DSC1: variants seen among roughly 807,000 people sequenced by gnomAD.
DSC1 encodes the protein desmocollin-1.
In DSC1, 79 loss-of-function variants were observed where a neutral mutation model predicts 98.8. The observed-to-expected ratio is 0.80, with a 90% CI of 0.67 to 0.96. The LOEUF (loss-of-function observed/expected upper bound fraction) is 0.96. Ranked by LOEUF, DSC1 falls within the 50% of genes least tolerant of loss-of-function variation. DSC1 has a pLI of 0.00. For synonymous variants in DSC1, 405 were observed against 372.1 expected (o/e 1.09, Z -1.02); for missense variants, 1,115 against 1,075.9 (o/e 1.04, Z -0.51).
At chr18:31,160,536 C>G (rs1231260173) in intron 1 of DSC1, among the ~76,000 whole-genome samples, 1 of 152,104 alleles carries the variant, frequency 6.6e-6, no homozygotes. Context: ...TATACTGTAG[C>G]AGTCTAATTA....
chr18:31,137,652 C>T (rs1236427084), intron 11 of DSC1, among the ~76,000 whole-genome samples: 4 of 152,108 alleles, frequency 2.6e-5, no homozygotes, highest in South Asian at 4.1e-4. Context: ...GCCTTTTCTA[C>T]AGAAGCCACA....
chr18:31,149,332 T>C (rs1457922462), intron 5 of DSC1, among the ~76,000 whole-genome samples: 1 of 152,240 alleles, frequency 6.6e-6, no homozygotes, highest in East Asian at 1.9e-4. Flanking sequence ...AAGTGAATTC[T>C]GCATTAACTC....
intron 4 of DSC1, 31 bp downstream of exon 4, chr18:31,156,012 A>G: frequency 2.5e-6 from 4 of 1,599,660 alleles, no homozygotes; most frequent in Non-Finnish European, 2.6e-6. Flanking sequence ...AAAAATTTGG[A>G]CACATATAAA....
chr18:31,132,512 T>G, intron 14 of DSC1, 56 bp downstream of exon 14: 1 of 1,596,982 alleles, frequency 6.3e-7, no homozygotes, highest in Non-Finnish European at 8.6e-7. Context: ...TGTTGAGTAA[T>G]AATCTGTCAT....
Position 31,134,803 on chromosome 18 carries a change from AG to A in DSC1, c.1664-20del. The A allele has an allele frequency of 6.3e-7, 1 of 1,588,840 alleles. No individual in the cohort carries two copies. The highest frequency in any genetic ancestry group is 1.1e-5 in the South Asian group (1 of 89,418). On this transcript the variant is annotated intron_variant, in intron 11 of 15. Transcript: ENST00000257198. Reference sequence around the variant, plus strand: ...CGGCCAACTAAGATTAATTAAAAATAGGTTATTTCTTCACATGAAAATGCAT... The same window carrying A: ...CGGCCAACTAAGATTAATTAAAAATAGTTATTTCTTCACATGAAAATGCAT...
intron 5 of DSC1, among the ~76,000 whole-genome samples, chr18:31,150,244 CACT>C (rs1988944526): frequency 7.1e-6 from 1 of 140,682 alleles, no homozygotes; most frequent in Non-Finnish European, 1.5e-5. Flanking sequence ...TCATCACCAC[CACT>C]ACCACCACCA....
chr18:31,149,008 T>C (rs1988905369), intron 5 of DSC1, among the ~76,000 whole-genome samples: 1 of 152,260 alleles, frequency 6.6e-6, no homozygotes, highest in Non-Finnish European at 1.5e-5. Context: ...CAGATGTATA[T>C]ATACATACAA....
chr18:31,145,823 T>C, intron 6 of DSC1, 46 bp from the exon 7 acceptor site: 2 of 1,571,950 alleles, frequency 1.3e-6, no homozygotes. Flanking sequence ...ACTCATATAA[T>C]TGAATTATAA....
At position 31,139,795 on chromosome 18, in the gene DSC1, A is replaced by T; in HGVS notation, c.1616T>A (p.Phe539Tyr). The T allele has an allele frequency of 6.2e-7, 1 of 1,611,224 alleles. No individual in the cohort carries two copies. Among genetic ancestry groups the T allele is most frequent in the African/African-American group, 1.3e-5 (1 of 74,854 alleles). ...TLKVLDRESKFVKNNQYNISV... is the reference protein window; with the variant it reads ...TLKVLDRESKYVKNNQYNISV... The stretch of plus-strand genomic sequence containing the variant: ...AATATTGTATTGGTTGTTTTTTACA[A>T]ATTTGGATTCTCTATCTAGTACTTT... The change falls in exon 11 of 16, where the codon TTT (phenylalanine) becomes TAT (tyrosine). Residue 539 changes from phenylalanine to tyrosine, a missense_variant. Coordinates refer to ENST00000257198, the MANE Select transcript of DSC1 (RefSeq NM_024421.2).
At chr18:31,138,437 C>T (rs139954280) in intron 11 of DSC1, among the ~76,000 whole-genome samples, 2 of 152,088 alleles carry the variant, frequency 1.3e-5, no homozygotes, top group Admixed American at 6.6e-5. Context: ...TAGTTGATAT[C>T]GTGTAAGAAT....
Position 31,131,344 on chromosome 18 carries a change from C to G in DSC1, c.2487+250G>C, listed in dbSNP as rs1186706023. The G allele has an allele frequency of 6.0e-6, 3 of 498,830 alleles. No individual in the cohort carries two copies. In the South Asian group the frequency reaches 7.4e-5, roughly 12 times the overall value. 30.9% of individuals were successfully genotyped at this position (498,830 alleles called of 1,614,324 possible). ...AATTTCTAGGGAAGAGGCTATGAAC[C>G]TTTTATCCTTTGTAAACACATCTAC... On this transcript the variant is annotated intron_variant, in intron 15 of 15. Coordinates refer to ENST00000257198, the MANE Select transcript of DSC1 (RefSeq NM_024421.2).
rs12608327 is a variant in DSC1 at position 31,149,141 on chromosome 18, C to A, written c.628-499G>T. 4.6e-5 allele frequency among the ~76,000 whole-genome samples: 7 copies of A among 152,084 alleles called. No homozygotes were observed. The South Asian group carries it at 1.5e-3, about 32-fold the overall frequency. ...AAATGTTAATAAAAGCATATACATA[C>A]CAGAAATTCCATTTCAAAATGAATG... On this transcript the variant is annotated intron_variant, in intron 5 of 15. Coordinates refer to ENST00000257198, the MANE Select transcript of DSC1 (RefSeq NM_024421.2).
rs772090663 is a variant in DSC1, at chr18:31,134,648, T to A, written c.1800A>T (p.Gly600=). The stretch of plus-strand genomic sequence containing the variant: ...ATTGAAAAGGTGGTCCATTTTCAGG[T>A]CCATCTGGATCTACAGGTTTCAGAA... ...FAVLKPVDPD[G]PENGPPFQFF... Residue 600 remains glycine, a synonymous_variant, in exon 12 of 16, where the codon GGA becomes GGT. Coordinates refer to ENST00000257198, the MANE Select transcript of DSC1 (RefSeq NM_024421.2). 2 of 1,612,864 alleles carry A rather than the reference T, an allele frequency of 1.2e-6. No homozygotes were observed. Among genetic ancestry groups the A allele is most frequent in the Admixed American group, 3.3e-5 (2 of 59,818 alleles).
In DSC1 at chr18:31,157,351, C is replaced by A; in HGVS notation, c.351+20G>T. ...GTAAGCATATTACTGTGCTAGGCTG[C>A]TTAAGCCCTTGCCTTATACCTTGTT... On this transcript the variant is annotated intron_variant, in intron 3 of 15. Transcript: ENST00000257198. 1.2e-6 allele frequency: 2 copies of A among 1,613,334 alleles called. No homozygotes were observed. Among genetic ancestry groups the A allele is most frequent in the Non-Finnish European group, 1.7e-6 (2 of 1,179,470 alleles).
chr18:31,131,382 T>C (rs1988485020), intron 15 of DSC1: 1 of 647,360 alleles, frequency 1.5e-6, no homozygotes, highest in Admixed American at 3.0e-5. Context: ...ATGGCACTCC[T>C]AGATAAAGTT....
At chr18:31,150,333 C>CCATCAT (rs1988958752) in intron 5 of DSC1, among the ~76,000 whole-genome samples, 1 of 4,758 alleles carries the variant, frequency 2.1e-4, no homozygotes, top group Non-Finnish European at 5.3e-4. Flanking sequence ...ATCACCACCA[C>CCATCAT]CACTACCATC....
chr18:31,139,700 A>C (rs1294530318), intron 11 of DSC1, 48 bp downstream of exon 11: 10 of 1,485,802 alleles, frequency 6.7e-6, no homozygotes, highest in Non-Finnish European at 2.7e-6. Flanking sequence ...AGGTTTCCTT[A>C]AAAACATGTC....
At chr18:31,152,664 C>T (rs1273725945) in intron 5 of DSC1, among the ~76,000 whole-genome samples, 2 of 152,038 alleles carry the variant, frequency 1.3e-5, no homozygotes, top group Non-Finnish European at 1.5e-5. Flanking sequence ...CTACTAGCAG[C>T]CCATAAACAA....
At chr18:31,143,866 T>C (rs1430904775) in intron 7 of DSC1, 75 bp from the exon 8 acceptor site, 2 of 1,129,616 alleles carry the variant, frequency 1.8e-6, no homozygotes, top group Non-Finnish European at 2.4e-6. Context: ...ACCACTTGTT[T>C]AGGCACGATT....
Sources: allele counts gnomAD v4.1 joint callset (sites outside exome capture counted in the v4.1 genomes callset), GRCh38; gene constraint gnomAD v4.1.1; transcripts MANE v1.5; gene names NCBI Gene and HGNC (gene_info 2026-07-23, HGNC 2026-07-21).